The following POLI variants were observed in gnomAD, a reference collection of about 807,000 sequenced individuals.
POLI encodes the protein DNA polymerase iota.
POLI carries 58 observed loss-of-function variants against 51.6 expected under a neutral mutation model. That is an observed-to-expected ratio of 1.12 (90% CI 0.91 to 1.40). The LOEUF is 1.40. Ranked by LOEUF, POLI falls within the 40% of genes most tolerant of loss-of-function variation. The pLI, the probability that POLI is intolerant of heterozygous loss-of-function variation, is 0.00. For missense variants in POLI, 921 were observed against 871.3 expected (o/e 1.06, Z -0.72); for synonymous variants, 322 against 299.7 (o/e 1.07, Z -0.77).
At chr18:54,292,092 G>A in intron 9 of POLI, 54 bp downstream of exon 9, 3 of 1,061,742 alleles carry the variant, frequency 2.8e-6, no homozygotes, top group Non-Finnish European at 4.3e-6. Context: ...TGGGATTTGT[G>A]TGGTTACATT....
At chr18:54,280,958 T>C in intron 5 of POLI, 55 bp downstream of exon 5, 1 of 933,888 alleles carries the variant, frequency 1.1e-6, no homozygotes, top group Non-Finnish European at 1.6e-6. Flanking sequence ...TTCTTTTAAT[T>C]TAAAAAATTA....
At position 54,280,908 on chromosome 18, in the gene POLI, G is replaced by A. The variant is rs1217487361; in HGVS notation, c.796+5G>A. ...ATCACATAAAGGAAATACCTGGTAA[G>A]ACAAATATATTTGAAAAGTACATAT... On this transcript the variant is annotated splice_donor_5th_base_variant and intron_variant, in intron 5 of 9. Coordinates refer to ENST00000579534, the MANE Select transcript of POLI (RefSeq NM_007195.3). 6.9e-7 allele frequency: 1 copy of A among 1,453,012 alleles called. No homozygotes were observed. Among genetic ancestry groups the A allele is most frequent in the South Asian group, 1.1e-5 (1 of 87,216 alleles). 90.0% of individuals were successfully genotyped at this position (1,453,012 alleles called of 1,614,324 possible).
intron 3 of POLI, 61 bp downstream of exon 3, chr18:54,274,151 C>T (rs1420673654): frequency 3.7e-6 from 3 of 806,900 alleles, no homozygotes; most frequent in Non-Finnish European, 5.2e-6. Context: ...CTGTTCATTA[C>T]ATGAATTTTT....
intron 3 of POLI, among the ~76,000 whole-genome samples, chr18:54,305,818 G>C (rs1209930416): frequency 6.6e-6 from 1 of 151,922 alleles, no homozygotes; most frequent in East Asian, 1.9e-4. Context: ...GAGTGCAGTG[G>C]TGCTATCTCT....
Position 54,280,692 on chromosome 18 carries a change from C to T in POLI, c.585C>T (p.His195=). Residue 195 remains histidine, a synonymous_variant, in exon 5 of 10, where the codon CAC becomes CAT. Coordinates refer to ENST00000579534, the MANE Select transcript of POLI (RefSeq NM_007195.3). ...CTATAAACCTGCTTGACGTCTTGCACATCAGACTACTTGTTGGATCTCAGA... is the reference window on the plus strand; with the variant it reads ...CTATAAACCTGCTTGACGTCTTGCATATCAGACTACTTGTTGGATCTCAGA... ...NQSINLLDVL[H]IRLLVGSQIA... 6.2e-7 allele frequency: 1 copy of T among 1,612,914 alleles called. No individual in the cohort carries two copies. Among genetic ancestry groups the T allele is most frequent in the Non-Finnish European group, 8.5e-7 (1 of 1,178,898 alleles).
At chr18:54,311,853 A>G (rs148590131) in intron 3 of POLI, among the ~76,000 whole-genome samples, 92 of 152,346 alleles carry the variant, frequency 6.0e-4, no homozygotes, top group African/African-American at 2.1e-3. Context: ...TGTTCCTCAC[A>G]TAGTTTACAT....
At chr18:54,312,164 C>T (rs11665365) in intron 3 of POLI, among the ~76,000 whole-genome samples, 27,055 of 152,026 alleles carry the variant, frequency 0.18, 2,575 homozygotes, top group Middle Eastern at 0.25. Context: ...TCCATGCATA[C>T]CCAATGTTTA....
At position 54,277,724 on chromosome 18, in the gene POLI, C is replaced by T. The variant is rs554252419; in HGVS notation, c.428C>T (p.Pro143Leu). 5.0e-6 allele frequency: 8 copies of T among 1,599,336 alleles called. No homozygotes were observed. The highest frequency in any genetic ancestry group is 4.0e-5 in the African/African-American group (3 of 74,654). The change falls in exon 4 of 10, where the codon CCA becomes CTA. Residue 143 changes from proline (P) to leucine (L), a missense_variant. Pro to Leu is a moderately conservative substitution (Grantham distance 98). Transcript: ENST00000579534. ...KVTELLEEFS[P>L]VVERLGFDEN... The stretch of plus-strand genomic sequence containing the variant: ...TTAGAATTACTGGAAGAATTTAGTC[C>T]AGTTGTTGAGAGACTTGGATTTGAT...
intron 2 of POLI, among the ~76,000 whole-genome samples, chr18:54,271,705 T>C (rs1382016310): frequency 6.6e-6 from 1 of 152,160 alleles, no homozygotes; most frequent in Non-Finnish European, 1.5e-5. Flanking sequence ...GCAGAACAAA[T>C]GAAGAGAAAG....
intron 6 of POLI, among the ~76,000 whole-genome samples, 174 bp downstream of exon 6, chr18:54,283,189 A>C (rs1301680416): frequency 1.3e-5 from 2 of 152,170 alleles, no homozygotes; most frequent in African/African-American, 4.8e-5. Flanking sequence ...TCTTAAATGG[A>C]ATCTTAAGCA....
chr18:54,272,129 A>G (rs1568115825), intron 2 of POLI: 1 of 152,192 alleles, frequency 6.6e-6, no homozygotes, highest in Non-Finnish European at 1.5e-5. Flanking sequence ...CATAAAGAAC[A>G]TTTTTGGTTC....
downstream of POLI, among the ~76,000 whole-genome samples, chr18:54,299,184 T>C (rs1027300145): frequency 6.6e-6 from 1 of 152,242 alleles, no homozygotes. Flanking sequence ...CTTGTAATCC[T>C]AGCACTTTGG....
At chr18:54,301,339 CAAAA>C (rs930560328), downstream of POLI, among the ~76,000 whole-genome samples, 4 of 150,234 alleles carry the variant, frequency 2.7e-5, no homozygotes, top group African/African-American at 9.8e-5. Context: ...AATGAACATA[CAAAA>C]AAAAATCAGT....
Position 54,295,236 on chromosome 18 carries a change from T to C in POLI, c.*769T>C. On this transcript the variant is annotated 3_prime_UTR_variant, in exon 10 of 10. Coordinates refer to ENST00000579534, the MANE Select transcript of POLI (RefSeq NM_007195.3). ...GGATAATGGAAGAAGTCCATTTCTT[T>C]CTAGCTAGTTTGAAGGGCCTAAAAG... is the stretch of plus-strand genomic sequence containing the variant. The C allele has an allele frequency of 1.6e-5, 16 of 985,360 alleles. No individual in the cohort carries two copies. Among genetic ancestry groups the C allele is most frequent in the East Asian group, 1.1e-4 (1 of 8,812 alleles). 61.0% of individuals were successfully genotyped at this position (985,360 alleles called of 1,614,324 possible).
At chr18:54,273,032 CAT>C (rs1175535114) in intron 2 of POLI, among the ~76,000 whole-genome samples, 13 of 151,810 alleles carry the variant, frequency 8.6e-5, no homozygotes, top group Admixed American at 6.5e-4. Context: ...TTTTTTTCTA[CAT>C]GTTTGTATTT....
chr18:54,304,519 G>A (rs971473746), intron 3 of POLI, among the ~76,000 whole-genome samples: 9 of 152,188 alleles, frequency 5.9e-5, no homozygotes, highest in African/African-American at 2.2e-4. Flanking sequence ...CAGTGATGAT[G>A]AGCATTTTTT....
At chr18:54,271,320 G>C in intron 1 of POLI, 40 bp from the exon 2 acceptor site, 1 of 1,578,006 alleles carries the variant, frequency 6.3e-7, no homozygotes. Flanking sequence ...GAGATAATAA[G>C]CAGCCTGAAT....
chr18:54,282,701 T>TC (rs1181720634), intron 5 of POLI, 136 bp from the exon 6 acceptor site: 4 of 567,174 alleles, frequency 7.1e-6, no homozygotes, highest in Non-Finnish European at 1.2e-5. Flanking sequence ...TTAGAATGTA[T>TC]CCCCTGTGGA....
intron 8 of POLI, among the ~76,000 whole-genome samples, chr18:54,289,964 CA>C (rs1442506530): frequency 1.3e-5 from 2 of 152,104 alleles, no homozygotes; most frequent in Admixed American, 1.3e-4. Flanking sequence ...CAACAAAAGC[CA>C]AAATTGACAG....
Sources: gnomAD v4.1 joint callset for allele counts (sites outside exome capture counted in the v4.1 genomes callset) on GRCh38, gnomAD v4.1.1 for gene constraint, MANE v1.5 for transcripts, NCBI Gene and HGNC (gene_info 2026-07-23, HGNC 2026-07-21) for gene names.